The following C1QTNF3 variants were observed in gnomAD, a reference collection of about 807,000 sequenced individuals.
C1QTNF3 encodes the protein complement C1q tumor necrosis factor-related protein 3.
C1QTNF3 carries 26 observed loss-of-function variants against 32.6 expected under a neutral mutation model. That is an observed-to-expected ratio of 0.80 (90% confidence interval 0.58 to 1.11). C1QTNF3 has a LOEUF of 1.11. Among genes scored for constraint, C1QTNF3 ranks in the 50% least tolerant of loss-of-function variants. The pLI, the probability that C1QTNF3 is intolerant of heterozygous loss-of-function variation, is 0.00. For synonymous variants in C1QTNF3, 155 were observed against 146.0 expected (o/e 1.06, Z -0.44); for missense variants, 362 against 398.2 (o/e 0.91, Z 0.77).
At chr5:34,057,829 G>A in the C1QTNF3 span, among the ~76,000 whole-genome samples, 24 of 152,144 alleles carry the variant, frequency 1.6e-4, no homozygotes, top group African/African-American at 5.8e-4. Flanking sequence ...AGGAGGTGCC[G>A]CAAGTTTTTA....
At chr5:34,144,247 T>C in the C1QTNF3 span, among the ~76,000 whole-genome samples, 41 of 152,296 alleles carry the variant, frequency 2.7e-4, no homozygotes, top group Admixed American at 2.6e-3. Flanking sequence ...GCACCCAACA[T>C]TGGAGCAACC....
upstream of C1QTNF3, among the ~76,000 whole-genome samples, chr5:34,045,305 T>C (rs1027488925): frequency 6.6e-6 from 1 of 152,192 alleles, no homozygotes; most frequent in Non-Finnish European, 1.5e-5. Flanking sequence ...TGGCTGCATA[T>C]TAAACCAAGG....
chr5:34,240,885 C>G, the C1QTNF3 span, among the ~76,000 whole-genome samples: 1 of 152,148 alleles, frequency 6.6e-6, no homozygotes, highest in African/African-American at 2.4e-5. Flanking sequence ...TACTAGCAAA[C>G]TGAATCCATC....
the C1QTNF3 span, chr5:34,106,345 G>T: frequency 6.6e-6 from 1 of 151,700 alleles, no homozygotes; most frequent in Non-Finnish European, 1.5e-5. Flanking sequence ...GTAATTCAAA[G>T]AATATAATAA....
the C1QTNF3 span, among the ~76,000 whole-genome samples, chr5:34,058,673 C>G: frequency 6.6e-6 from 1 of 152,232 alleles, no homozygotes; most frequent in South Asian, 2.1e-4. Flanking sequence ...TGAGTTTTTC[C>G]CCTTTCTCTA....
the C1QTNF3 span, among the ~76,000 whole-genome samples, chr5:34,234,084 G>A: frequency 1.3e-5 from 2 of 152,110 alleles, no homozygotes; most frequent in African/African-American, 2.4e-5. Context: ...AGTTCATATC[G>A]TAAGCCTAAA....
chr5:34,115,724 C>T, the C1QTNF3 span, among the ~76,000 whole-genome samples: 1 of 144,016 alleles, frequency 6.9e-6, no homozygotes, highest in Non-Finnish European at 1.5e-5. Context: ...GAGCGAGACT[C>T]TGTGTCAAAA....
At chr5:34,194,956 T>G in the C1QTNF3 span, among the ~76,000 whole-genome samples, 1 of 151,420 alleles carries the variant, frequency 6.6e-6, no homozygotes, top group Admixed American at 6.6e-5. Context: ...ACATGTTCAG[T>G]ACAGACGCAA....
chr5:34,127,001 C>T, the C1QTNF3 span, among the ~76,000 whole-genome samples: 1 of 152,168 alleles, frequency 6.6e-6, no homozygotes, highest in Admixed American at 6.5e-5. Flanking sequence ...CCGTTTTGTG[C>T]TCTCTCCTGT....
the C1QTNF3 span, among the ~76,000 whole-genome samples, chr5:34,063,128 C>G: frequency 1.3e-5 from 2 of 152,012 alleles, no homozygotes; most frequent in Admixed American, 1.3e-4. Flanking sequence ...ATGGAGAAGA[C>G]CTCCAATTAC....
chr5:34,208,099 T>A, the C1QTNF3 span, among the ~76,000 whole-genome samples: 353 of 152,284 alleles, frequency 2.3e-3, 2 homozygotes, highest in African/African-American at 8.2e-3. Context: ...CTTGAGAAAG[T>A]GCTTTTAAGC....
chr5:34,077,536 T>G, the C1QTNF3 span, among the ~76,000 whole-genome samples: 1 of 151,740 alleles, frequency 6.6e-6, no homozygotes, highest in African/African-American at 2.4e-5. Flanking sequence ...AAACCTGGAA[T>G]TAAAAAAAAT....
At chr5:34,165,737 G>A in the C1QTNF3 span, 2 of 151,720 alleles carry the variant, frequency 1.3e-5, no homozygotes, top group African/African-American at 2.4e-5. Context: ...AAATGGTTTT[G>A]AAGTTCAATC....
chr5:34,083,934 A>C, the C1QTNF3 span, among the ~76,000 whole-genome samples: 1 of 151,852 alleles, frequency 6.6e-6, no homozygotes, highest in Non-Finnish European at 1.5e-5. Flanking sequence ...ATTCTCTAAT[A>C]CTTATAAATC....
At chr5:34,162,022 T>G in the C1QTNF3 span, among the ~76,000 whole-genome samples, 1 of 152,158 alleles carries the variant, frequency 6.6e-6, no homozygotes, top group Non-Finnish European at 1.5e-5. Context: ...ATAAAGTTAG[T>G]TTTACCCTGG....
the C1QTNF3 span, among the ~76,000 whole-genome samples, chr5:34,145,627 A>G: frequency 6.6e-6 from 1 of 150,462 alleles, no homozygotes; most frequent in African/African-American, 2.4e-5. Flanking sequence ...CTTCCTAACT[A>G]ATTTTATGAA....
chr5:34,223,102 C>T, the C1QTNF3 span, among the ~76,000 whole-genome samples: 8 of 151,380 alleles, frequency 5.3e-5, no homozygotes, highest in South Asian at 1.7e-3. Context: ...ATGTGCCATG[C>T]TGGTGTGCTG....
the C1QTNF3 span, among the ~76,000 whole-genome samples, chr5:34,243,514 C>T: frequency 6.6e-6 from 1 of 152,120 alleles, no homozygotes; most frequent in Non-Finnish European, 1.5e-5. Flanking sequence ...TATATGCACT[C>T]GTATGTTCAT....
the C1QTNF3 span, among the ~76,000 whole-genome samples, chr5:34,147,906 C>G: frequency 9.2e-5 from 14 of 152,266 alleles, no homozygotes; most frequent in Non-Finnish European, 1.5e-4. Flanking sequence ...GCGTGAGCGA[C>G]GCAGAAGACG....
Sources: allele counts gnomAD v4.1 joint callset (sites outside exome capture counted in the v4.1 genomes callset), GRCh38; gene constraint gnomAD v4.1.1; transcripts MANE v1.5; gene names NCBI Gene and HGNC (gene_info 2026-07-23, HGNC 2026-07-21).